Variants in RBFOX3 observed in about 807,000 individuals in gnomAD.
RBFOX3 encodes the protein RNA binding fox-1 homolog 3, also known as RNA binding protein fox-1 homolog 3.
In RBFOX3, 17 loss-of-function variants were observed where a neutral mutation model predicts 48.7. The ratio of observed to expected loss-of-function variants is 0.35; its 90% confidence interval spans 0.24 to 0.52. The LOEUF (loss-of-function observed/expected upper bound fraction) is 0.52. RBFOX3 is among the 20% of genes least tolerant of loss of function. RBFOX3 has a pLI of 0.94. For synonymous variants in RBFOX3, 212 were observed against 209.5 expected, an observed-to-expected ratio of 1.01 and a Z score of -0.10; for missense variants, 382 against 497.5, an observed-to-expected ratio of 0.77 and a Z score of 2.21.
the RBFOX3 span, among the ~76,000 whole-genome samples, chr17:79,648,155 T>A: frequency 6.6e-6 from 1 of 152,094 alleles, no homozygotes; most frequent in Non-Finnish European, 1.5e-5. Context: ...GTTGGGAGCA[T>A]CAGGCATGGT....
chr17:79,370,924 G>T (rs2058447819), intron 2 of RBFOX3, among the ~76,000 whole-genome samples: 1 of 152,254 alleles, frequency 6.6e-6, no homozygotes, highest in Non-Finnish European at 1.5e-5. Context: ...GCCCCCATGT[G>T]GGGCCAAGCC....
chr17:79,294,435 C>G (rs192108226), intron 3 of RBFOX3, among the ~76,000 whole-genome samples: 1 of 152,112 alleles, frequency 6.6e-6, no homozygotes, highest in South Asian at 2.1e-4. Flanking sequence ...CTCAGCCTCC[C>G]GAGTAGCTGG....
intron 2 of RBFOX3, among the ~76,000 whole-genome samples, chr17:79,474,293 G>A (rs904626353): frequency 6.6e-6 from 1 of 152,198 alleles, no homozygotes; most frequent in Admixed American, 6.5e-5. Context: ...ACAGATTCAT[G>A]TGGAACCTTC....
At chr17:79,375,004 C>T (rs2059042253) in intron 2 of RBFOX3, among the ~76,000 whole-genome samples, 1 of 152,104 alleles carries the variant, frequency 6.6e-6, no homozygotes, top group Admixed American at 6.5e-5. Flanking sequence ...CCTGCCGCTC[C>T]ACCAGCCTAA....
At chr17:79,330,226 T>C (rs1283751644) in intron 2 of RBFOX3, among the ~76,000 whole-genome samples, 1 of 152,222 alleles carries the variant, frequency 6.6e-6, no homozygotes, top group East Asian at 1.9e-4. Flanking sequence ...CTGTGCCCCC[T>C]GACCCCCGGT....
chr17:79,506,448 T>C (rs1021415729), intron 1 of RBFOX3, among the ~76,000 whole-genome samples: 1 of 152,212 alleles, frequency 6.6e-6, no homozygotes, highest in African/African-American at 2.4e-5. Context: ...GGCCAGAGGC[T>C]GCGCTGGGTG....
At chr17:79,573,755 G>C (rs1187311048) in intron 1 of RBFOX3, among the ~76,000 whole-genome samples, 1 of 152,104 alleles carries the variant, frequency 6.6e-6, no homozygotes, top group African/African-American at 2.4e-5. Context: ...CCTCCCCCCG[G>C]CATCACCTGC....
At chr17:79,193,037 C>T (rs2054834162) in intron 4 of RBFOX3, among the ~76,000 whole-genome samples, 1 of 152,320 alleles carries the variant, frequency 6.6e-6, no homozygotes, top group Non-Finnish European at 1.5e-5. Flanking sequence ...CCTGGCTGAA[C>T]CTCATCCGCT....
At chr17:79,181,926 G>C (rs1458454849) in intron 4 of RBFOX3, among the ~76,000 whole-genome samples, 4 of 151,472 alleles carry the variant, frequency 2.6e-5, no homozygotes, top group African/African-American at 7.3e-5. Flanking sequence ...ATCACCCAAA[G>C]GCCCAGACCC....
intron 2 of RBFOX3, among the ~76,000 whole-genome samples, chr17:79,370,632 TAACATACA>T (rs2058407927): frequency 1.3e-5 from 1 of 76,712 alleles, no homozygotes; most frequent in Admixed American, 1.8e-4. Context: ...TCACATACAC[TAACATACA>T]TACATATGTG....
intron 4 of RBFOX3, among the ~76,000 whole-genome samples, chr17:79,229,063 C>T (rs575915178): frequency 6.7e-6 from 1 of 148,966 alleles, no homozygotes; most frequent in African/African-American, 2.5e-5. Context: ...CCCATCTCTA[C>T]TAAAAATACA....
chr17:79,286,428 G>T (rs929049601), intron 3 of RBFOX3, among the ~76,000 whole-genome samples: 11 of 152,228 alleles, frequency 7.2e-5, no homozygotes, highest in African/African-American at 2.4e-4. Flanking sequence ...AATCACCCCA[G>T]CACTTCTCTC....
At chr17:79,476,564 G>A (rs1450220921) in intron 2 of RBFOX3, among the ~76,000 whole-genome samples, 2 of 152,188 alleles carry the variant, frequency 1.3e-5, no homozygotes, top group Non-Finnish European at 2.9e-5. Flanking sequence ...TCAGTTCAGG[G>A]CGTGTGAAGG....
intron 1 of RBFOX3, among the ~76,000 whole-genome samples, chr17:79,500,038 G>A (rs1280754690): frequency 6.6e-6 from 1 of 152,142 alleles, no homozygotes; most frequent in Non-Finnish European, 1.5e-5. Context: ...GCCTAGGCGA[G>A]AAGAAGCCTT....
At chr17:79,326,947 G>T (rs1036962310) in intron 2 of RBFOX3, among the ~76,000 whole-genome samples, 18 of 152,214 alleles carry the variant, frequency 1.2e-4, no homozygotes, top group African/African-American at 3.9e-4. Flanking sequence ...GGACACTAAG[G>T]CCCAGAGAGG....
chr17:79,573,582 C>T (rs2092756980), intron 1 of RBFOX3, among the ~76,000 whole-genome samples: 1 of 152,196 alleles, frequency 6.6e-6, no homozygotes, highest in Non-Finnish European at 1.5e-5. Flanking sequence ...GCACCTGTCC[C>T]TTTAACAAGC....
chr17:79,346,130 C>T (rs1247519129), intron 2 of RBFOX3, among the ~76,000 whole-genome samples: 1 of 152,086 alleles, frequency 6.6e-6, no homozygotes, highest in East Asian at 1.9e-4. Flanking sequence ...ATCATGTTGG[C>T]CAGGCTGGTC....
At position 79,249,960 on chromosome 17, in the gene RBFOX3, G is replaced by A. The variant is rs2063699506; in HGVS notation, c.-73-14155C>T. Among the ~76,000 whole-genome samples, 2 of 152,188 alleles carry A rather than the reference G, an allele frequency of 1.3e-5. No individual in the cohort carries two copies. Among genetic ancestry groups the A allele is most frequent in the Admixed American group, 1.3e-4 (2 of 15,280 alleles). On this transcript the variant is annotated intron_variant, in intron 3 of 14. Coordinates refer to ENST00000693108, the MANE Select transcript of RBFOX3 (RefSeq NM_001350451.2). The surrounding 1 kb of genome is among the most constrained non-coding windows in gnomAD (Gnocchi z 4.1). ...TGCACCTGCCGGCATCCCTGGCATC[G>A]CTTTGGCTCTTGCGAGAGGGAGCCA...
At chr17:79,345,066 G>C (rs1334955304) in intron 2 of RBFOX3, among the ~76,000 whole-genome samples, 1 of 152,206 alleles carries the variant, frequency 6.6e-6, no homozygotes, top group Non-Finnish European at 1.5e-5. Context: ...ACTGTTCTCT[G>C]CCTGTAGGGC....
Sources: gnomAD v4.1 joint callset for allele counts (sites outside exome capture counted in the v4.1 genomes callset) on GRCh38, gnomAD v4.1.1 for gene constraint, Gnocchi (gnomAD v3.1) non-coding constraint, MANE v1.5 for transcripts, NCBI Gene and HGNC (gene_info 2026-07-23, HGNC 2026-07-21) for gene names.